The following COL4A4 variants were observed in gnomAD, a reference collection of about 807,000 sequenced individuals.
COL4A4 encodes collagen alpha-4(IV) chain.
A neutral mutation model predicts 192.9 loss-of-function variants in COL4A4; 105 were observed. The observed-to-expected ratio is 0.54, with a 90% CI of 0.46 to 0.64. The LOEUF (loss-of-function observed/expected upper bound fraction) is 0.64. COL4A4 is among the 30% of genes least tolerant of loss of function. The pLI is 0.00. For missense variants in COL4A4, 1,967 were observed against 2,169.3 expected (o/e 0.91, Z 1.85); for synonymous variants, 762 against 769.9 (o/e 0.99, Z 0.17).
chr2:227,073,873 A>G (rs1559554639), intron 25 of COL4A4, among the ~76,000 whole-genome samples: 1 of 152,058 alleles, frequency 6.6e-6, no homozygotes, highest in Non-Finnish European at 1.5e-5. Context: ...CCGGATTCCT[A>G]TCTCTCACCT....
At chr2:227,104,599 A>G (rs1340464501) in intron 12 of COL4A4, among the ~76,000 whole-genome samples, 2 of 132,124 alleles carry the variant, frequency 1.5e-5, no homozygotes, top group Non-Finnish European at 3.3e-5. Flanking sequence ...AAATAAATAA[A>G]TAAAAAATCC....
intron 6 of COL4A4, among the ~76,000 whole-genome samples, chr2:227,119,408 A>T (rs1193865517): frequency 6.7e-6 from 1 of 150,020 alleles, no homozygotes; most frequent in East Asian, 1.9e-4. Flanking sequence ...TATACATGTT[A>T]TACAATATAT....
chr2:227,066,943 C>A (rs2058378961), intron 25 of COL4A4, among the ~76,000 whole-genome samples: 1 of 148,730 alleles, frequency 6.7e-6, no homozygotes, highest in African/African-American at 2.5e-5. Flanking sequence ...AGAGTCAAGA[C>A]CCATCAGTGT....
rs185835286 is a variant in COL4A4, at chr2:227,129,030, A to G, written c.193-7882T>C. Among the ~76,000 whole-genome samples, 405 of 152,314 alleles carry G rather than the reference A, an allele frequency of 2.7e-3. 2 individuals carry two copies. Among genetic ancestry groups the G allele is most frequent in the Non-Finnish European group, 5.0e-3 (343 of 68,026 alleles). ...CTCAAATTCTGCCATCCCTCCAAAA[A>G]TATTATAATCATAACAGTAGCAGTA... On this transcript the variant is annotated intron_variant, in intron 4 of 47. Coordinates refer to ENST00000396625, the MANE Select transcript of COL4A4 (RefSeq NM_000092.5).
At chr2:227,027,746 C>A in intron 42 of COL4A4, 156 bp downstream of exon 42, 1 of 573,730 alleles carries the variant, frequency 1.7e-6, no homozygotes, top group Non-Finnish European at 3.1e-6. Context: ...AAACATGAGA[C>A]TTTGTAGTGC....
In COL4A4 at chr2:227,042,172, T is replaced by C; in HGVS notation, c.3481A>G (p.Ile1161Val). Residue 1161 changes from isoleucine to valine, a missense_variant, in exon 37 of 48, where the codon ATA (isoleucine) becomes GTA (valine). Coordinates refer to ENST00000396625, the MANE Select transcript of COL4A4 (RefSeq NM_000092.5). ...GPRGLQGDPG[I>V]PGPPGIKGPS... is the part of the protein sequence containing the mutation. Reference sequence around the variant, plus strand: ...CCTTTTATTCCCGGAGGACCTGGTATCCCTGGATCCCCCTGGAGGCCTCTT... The same window carrying C: ...CCTTTTATTCCCGGAGGACCTGGTACCCCTGGATCCCCCTGGAGGCCTCTT... 6.2e-7 allele frequency: 1 copy of C among 1,611,048 alleles called. No homozygotes were observed. The highest frequency in any genetic ancestry group is 2.2e-5 in the East Asian group (1 of 44,832).
In COL4A4 at chr2:227,005,041, T is replaced by C. The variant is rs1961792742; in HGVS notation, c.*2284A>G. The C allele has an allele frequency of 6.6e-6, 1 of 152,172 alleles. No individual in the cohort carries two copies. The highest frequency in any genetic ancestry group is 2.4e-5 in the African/African-American group (1 of 41,440). The allele number at this position is 152,172 out of a possible 1,614,324, so 9.4% of individuals were successfully genotyped here. ...ATCTTCTATTCCAAGAAGTTATTTT[T>C]CCGCCCTTTTGATCCTTTAAAATAC... On this transcript the variant is annotated 3_prime_UTR_variant, in exon 48 of 48. Coordinates refer to ENST00000396625, the MANE Select transcript of COL4A4 (RefSeq NM_000092.5).
chr2:226,978,110 G>A, the COL4A4 span, among the ~76,000 whole-genome samples: 1 of 152,124 alleles, frequency 6.6e-6, no homozygotes, highest in Non-Finnish European at 1.5e-5. Context: ...CTGAAAACAG[G>A]TCTAGGCCTT....
At chr2:227,047,712 G>C (rs1015623756) in intron 34 of COL4A4, among the ~76,000 whole-genome samples, 163 bp from the exon 35 acceptor site, 20 of 132,950 alleles carry the variant, frequency 1.5e-4, no homozygotes, top group African/African-American at 4.2e-4. Context: ...AAATATAGAT[G>C]CAAGATGCAA....
At chr2:227,130,690 C>A (rs909809659) in intron 4 of COL4A4, among the ~76,000 whole-genome samples, 12 of 152,222 alleles carry the variant, frequency 7.9e-5, no homozygotes, top group African/African-American at 2.9e-4. Flanking sequence ...CTAACCCAGA[C>A]CTTTCTTTCT....
intron 1 of COL4A4, among the ~76,000 whole-genome samples, chr2:227,151,448 T>C (rs1238604390): frequency 6.6e-6 from 1 of 152,226 alleles, no homozygotes; most frequent in Non-Finnish European, 1.5e-5. Flanking sequence ...TCAACGATCC[T>C]TTCTACTGAA....
chr2:227,008,071 G>T lies in COL4A4; in HGVS notation c.4756C>A (p.Pro1586Thr). The stretch of plus-strand genomic sequence containing the variant: ...CTCCTCCAGGTCTGCGGACATGGGG[G>T]GATGGACTGGTCCTGGCTGTGCACC... Reference protein sequence around the residue: ...VAVHSQDQSIPPCPQTWRSLW... With the variant: ...VAVHSQDQSITPCPQTWRSLW... The change falls in exon 47 of 48, where the codon CCC (proline) becomes ACC (threonine). Residue 1586 changes from proline to threonine, a missense_variant. Transcript: ENST00000396625. 1 of 1,614,038 alleles carries T rather than the reference G, an allele frequency of 6.2e-7. No individual in the cohort carries two copies. Among genetic ancestry groups the T allele is most frequent in the South Asian group, 1.1e-5 (1 of 91,082 alleles).
intron 9 of COL4A4, among the ~76,000 whole-genome samples, chr2:227,109,974 T>G (rs2061100637): frequency 6.6e-6 from 1 of 152,160 alleles, no homozygotes; most frequent in Non-Finnish European, 1.5e-5. Flanking sequence ...TTAATTAACA[T>G]TATATATTAA....
chr2:227,077,850 G>A, intron 25 of COL4A4, 44 bp downstream of exon 25: 2 of 1,525,860 alleles, frequency 1.3e-6, no homozygotes, highest in Non-Finnish European at 1.8e-6. Flanking sequence ...ATAAACACTT[G>A]TACCCCAAAG....
chr2:227,034,246 T>A (rs1997484), intron 37 of COL4A4, among the ~76,000 whole-genome samples: 71,004 of 152,072 alleles, frequency 0.47, 16,810 homozygotes, highest in South Asian at 0.57. Flanking sequence ...CAGTGGAAAA[T>A]TTTTTTTAAG....
chr2:227,045,633 G>T (rs1327850936), intron 35 of COL4A4, among the ~76,000 whole-genome samples: 1 of 150,756 alleles, frequency 6.6e-6, no homozygotes, highest in African/African-American at 2.4e-5. Flanking sequence ...AGCTGGTGTG[G>T]TGGTGCACAC....
At chr2:227,122,272 C>T (rs931423555) in intron 4 of COL4A4, among the ~76,000 whole-genome samples, 1 of 152,138 alleles carries the variant, frequency 6.6e-6, no homozygotes. Flanking sequence ...TCTGGGAGGC[C>T]GAGGCGGGCA....
chr2:227,141,087 G>A (rs780476892), intron 3 of COL4A4, among the ~76,000 whole-genome samples: 34 of 152,310 alleles, frequency 2.2e-4, no homozygotes, highest in East Asian at 5.8e-4. Context: ...AGCACTGAGC[G>A]TGCATTCCCA....
intron 25 of COL4A4, among the ~76,000 whole-genome samples, chr2:227,065,084 G>C (rs2058221614): frequency 6.6e-6 from 1 of 152,370 alleles, no homozygotes; most frequent in East Asian, 1.9e-4. Flanking sequence ...GGAAGTGCAA[G>C]GGGTCAGGGA....
Sources: allele counts gnomAD v4.1 joint callset (sites outside exome capture counted in the v4.1 genomes callset), GRCh38; gene constraint gnomAD v4.1.1; transcripts MANE v1.5; gene names NCBI Gene and HGNC (gene_info 2026-07-23, HGNC 2026-07-21).